C1QL3: variants seen among roughly 807,000 people sequenced by gnomAD.
C1QL3 encodes complement C1q-like protein 3.
In C1QL3, 4 loss-of-function variants were observed where a neutral mutation model predicts 16.6. The observed-to-expected ratio is 0.24, with a 90% CI of 0.12 to 0.55. The LOEUF is 0.55. C1QL3 is among the 20% of genes least tolerant of loss of function. C1QL3 has a pLI of 0.94. For synonymous variants in C1QL3, 189 were observed against 160.2 expected (o/e 1.18, Z -1.36); for missense variants, 269 against 365.6 (o/e 0.74, Z 2.16).
intron 1 of C1QL3, among the ~76,000 whole-genome samples, chr10:16,515,224 GAA>G (rs71952606): frequency 2.2e-5 from 3 of 134,876 alleles, no homozygotes; most frequent in African/African-American, 5.3e-5. Flanking sequence ...TACTTACAAA[GAA>G]AAAAAAAAAA....
At position 16,520,598 on chromosome 10, in the gene C1QL3, G is replaced by A. The variant is rs775823726; in HGVS notation, c.468C>T (p.Tyr156=). 1.1e-5 allele frequency: 17 copies of A among 1,613,594 alleles called. No homozygotes were observed. The highest frequency in any genetic ancestry group is 2.7e-5 in the African/African-American group (2 of 74,842). ...AGGTGAACTTGCCGGTGGTGGGGTC[G>A]TAGTGGTTTCCGAGGTTGGTGACCA... ...DDVVTNLGNH[Y]DPTTGKFTCS... The change falls in exon 1 of 2, where the codon TAC becomes TAT. Residue 156 remains tyrosine, a synonymous_variant. Coordinates refer to ENST00000298943, the MANE Select transcript of C1QL3 (RefSeq NM_001010908.2). The surrounding 1 kb of genome is among the most constrained non-coding windows in gnomAD (Gnocchi z 8.3).
Position 16,520,689 on chromosome 10 carries a change from T to C in C1QL3, c.377A>G (p.Lys126Arg). ...ISAATYSTVPKIAFYAGLKRQ... is the reference protein window; with the variant it reads ...ISAATYSTVPRIAFYAGLKRQ... Reference sequence around the variant, plus strand: ...CTTGAGGCCGGCGTAGAAGGCGATCTTGGGCACCGTGCTGTAGGTGGCGGC... The same window carrying C: ...CTTGAGGCCGGCGTAGAAGGCGATCCTGGGCACCGTGCTGTAGGTGGCGGC... The change falls in exon 1 of 2, where the codon AAG (lysine) becomes AGG (arginine). Residue 126 changes from lysine to arginine, a missense_variant. By Grantham distance (26) the Lys-to-Arg change is conservative (BLOSUM62 2). Transcript: ENST00000298943. This position sits in a 1 kb window ranked among gnomAD's most constrained non-coding sequence, Gnocchi z 8.3. 6.2e-7 allele frequency: 1 copy of C among 1,607,104 alleles called. No homozygotes were observed. Among genetic ancestry groups the C allele is most frequent in the Non-Finnish European group, 8.5e-7 (1 of 1,176,878 alleles).
At chr10:16,519,773 G>A (rs1837010693) in intron 1 of C1QL3, among the ~76,000 whole-genome samples, 1 of 152,122 alleles carries the variant, frequency 6.6e-6, no homozygotes, top group African/African-American at 2.4e-5. Flanking sequence ...CTGGCTGCGC[G>A]CTGTGTTTCA....
At position 16,520,876 on chromosome 10, in the gene C1QL3, C is replaced by T. The variant is rs756611028; in HGVS notation, c.190G>A (p.Gly64Ser). Residue 64 changes from glycine to serine, a missense_variant, in exon 1 of 2, where the codon GGC becomes AGC. Transcript: ENST00000298943. This position sits in a 1 kb window ranked among gnomAD's most constrained non-coding sequence, Gnocchi z 8.3. Reference sequence around the variant, plus strand: ...GCCTTCCCGGGCCTGCCGGCCTCGCCTTTGGGGCCCTGGATGAAGGTGGGC... The same window carrying T: ...GCCTTCCCGGGCCTGCCGGCCTCGCTTTTGGGGCCCTGGATGAAGGTGGGC... ...SLPTFIQGPKGEAGRPGKAGP... is the reference protein window; with the variant it reads ...SLPTFIQGPKSEAGRPGKAGP... 8.7e-6 allele frequency: 13 copies of T among 1,501,908 alleles called. No individual in the cohort carries two copies. The East Asian group carries it at 3.3e-4, about 38-fold the overall frequency. 93.0% of individuals were successfully genotyped at this position (1,501,908 alleles called of 1,614,324 possible).
chr10:16,519,613 C>A (rs1319516194), intron 1 of C1QL3, among the ~76,000 whole-genome samples: 1 of 152,102 alleles, frequency 6.6e-6, no homozygotes, highest in Admixed American at 6.5e-5. Flanking sequence ...ATGCGTAGCC[C>A]TTGTAGCGGC....
In C1QL3 at chr10:16,520,838, C is replaced by G. The variant is rs1837029945; in HGVS notation, c.228G>C (p.Gly76=). The change falls in exon 1 of 2, where the codon GGG becomes GGC. Residue 76 remains glycine, a synonymous_variant. Coordinates refer to ENST00000298943, the MANE Select transcript of C1QL3 (RefSeq NM_001010908.2). This position sits in a 1 kb window ranked among gnomAD's most constrained non-coding sequence, Gnocchi z 8.3. ...AGRPGKAGPR[G]PPGEPGPPGP... ...CGGGTGGCCCGGGCTCTCCGGGGGG[C>G]CCGCGCGGACCCGCCTTCCCGGGCC... 1.6e-5 allele frequency: 22 copies of G among 1,395,356 alleles called. No individual in the cohort carries two copies. The highest frequency in any genetic ancestry group is 1.8e-5 in the Non-Finnish European group (19 of 1,078,274). 86.4% of individuals were successfully genotyped at this position (1,395,356 alleles called of 1,614,324 possible).
At position 16,514,471 on chromosome 10, in the gene C1QL3, G is replaced by A. The variant is rs546914660; in HGVS notation, c.*57C>T. 9.5e-6 allele frequency: 14 copies of A among 1,479,718 alleles called. No individual in the cohort carries two copies. The Admixed American group carries it at 1.1e-4, about 11-fold the overall frequency. 91.7% of individuals were successfully genotyped at this position (1,479,718 alleles called of 1,614,324 possible). On this transcript the variant is annotated 3_prime_UTR_variant, in exon 2 of 2. Transcript: ENST00000298943. ...CCCCTGGGATCCTTGATTCACTGAC[G>A]TTAGCCATACGAATCCAGTGTTCAA...
chr10:16,520,781 C>T lies in C1QL3; in HGVS notation c.285G>A (p.Glu95=). Residue 95 remains glutamate (E), a synonymous_variant, in exon 1 of 2, where the codon GAG becomes GAA. Coordinates refer to ENST00000298943, the MANE Select transcript of C1QL3 (RefSeq NM_001010908.2). The surrounding 1 kb of genome is among the most constrained non-coding windows in gnomAD (Gnocchi z 8.3). ...GGCCCGGCAGGCCTTGGCGGCCCGG[C>T]TCGCCCTTCTCGCCCGGGGGCCCCA... ...GPMGPPGEKG[E]PGRQGLPGPP... 2 of 1,298,538 alleles carry T rather than the reference C, an allele frequency of 1.5e-6. No homozygotes were observed. The highest frequency in any genetic ancestry group is 2.0e-6 in the Non-Finnish European group (2 of 1,022,438). The allele number at this position is 1,298,538 out of a possible 1,614,324, so 80.4% of individuals were successfully genotyped here.
chr10:16,519,795 C>T (rs1310758864), intron 1 of C1QL3, among the ~76,000 whole-genome samples: 1 of 152,188 alleles, frequency 6.6e-6, no homozygotes, highest in Non-Finnish European at 1.5e-5. Flanking sequence ...CGCATGAACC[C>T]CCGAATCTCA....
At chr10:16,517,265 T>G (rs1404154941) in intron 1 of C1QL3, among the ~76,000 whole-genome samples, 1 of 152,224 alleles carries the variant, frequency 6.6e-6, no homozygotes, top group African/African-American at 2.4e-5. Context: ...TAGTCCGTAT[T>G]TCTTTAACCC....
At chr10:16,515,326 A>T (rs1438752601) in intron 1 of C1QL3, among the ~76,000 whole-genome samples, 5 of 151,722 alleles carry the variant, frequency 3.3e-5, no homozygotes, top group Non-Finnish European at 7.4e-5. Context: ...GCTCATTTAT[A>T]CATCTTTGAT....
chr10:16,519,475 C>T (rs958052000), intron 1 of C1QL3, among the ~76,000 whole-genome samples: 4 of 152,004 alleles, frequency 2.6e-5, no homozygotes, highest in African/African-American at 9.7e-5. Context: ...ACAGAAGGTC[C>T]CATTACACTT....
At position 16,521,253 on chromosome 10, in the gene C1QL3, C is replaced by G. The variant is rs1242682882; in HGVS notation, c.-188G>C. 6 of 568,832 alleles carry G rather than the reference C, an allele frequency of 1.1e-5. No individual in the cohort carries two copies. Among genetic ancestry groups the G allele is most frequent in the South Asian group, 8.6e-5 (4 of 46,354 alleles). 35.2% of individuals were successfully genotyped at this position (568,832 alleles called of 1,614,324 possible). The stretch of plus-strand genomic sequence containing the variant: ...GCGTGCGTGCGCCGGCCGCTGCTGC[C>G]GACTCCTGCTCCCCCCGCGGAGGCT... On this transcript the variant is annotated 5_prime_UTR_variant, in exon 1 of 2. Coordinates refer to ENST00000298943, the MANE Select transcript of C1QL3 (RefSeq NM_001010908.2).
At position 16,520,566 on chromosome 10, in the gene C1QL3, A is replaced by T; in HGVS notation, c.500T>A (p.Ile167Asn). Residue 167 changes from isoleucine to asparagine, a missense_variant, in exon 1 of 2, where the codon ATC becomes AAC. Ile to Asn is a moderately radical substitution (Grantham distance 149). Around this residue, in one of 2 missense-constraint regions of C1QL3, gnomAD observed 246 missense variants for 297.2 expected, o/e 0.83. Transcript: ENST00000298943. This position sits in a 1 kb window ranked among gnomAD's most constrained non-coding sequence, Gnocchi z 8.3. ...GTAGGTGAAGAAGTAGATGCCCGGG[A>T]TGGAGCAGGTGAACTTGCCGGTGGT... The part of the protein sequence containing the change: ...DPTTGKFTCS[I>N]PGIYFFTYHV... The T allele has an allele frequency of 6.2e-7, 1 of 1,613,048 alleles. No individual in the cohort carries two copies. The highest frequency in any genetic ancestry group is 8.5e-7 in the Non-Finnish European group (1 of 1,179,488).
At chr10:16,516,206 A>G (rs527983986) in intron 1 of C1QL3, among the ~76,000 whole-genome samples, 1 of 152,194 alleles carries the variant, frequency 6.6e-6, no homozygotes, top group African/African-American at 2.4e-5. Context: ...TGAAAGCAAT[A>G]TACCATGTAA....
At position 16,514,490 on chromosome 10, in the gene C1QL3, T is replaced by C. The variant is rs777631948; in HGVS notation, c.*38A>G. On this transcript the variant is annotated 3_prime_UTR_variant, in exon 2 of 2. Transcript: ENST00000298943. The stretch of plus-strand genomic sequence containing the variant: ...ACTGACGTTAGCCATACGAATCCAG[T>C]GTTCAAACTCAGAATAATAAGCTTA... The C allele has an allele frequency of 1.9e-6, 3 of 1,564,416 alleles. No individual in the cohort carries two copies. The highest frequency in any genetic ancestry group is 2.6e-6 in the Non-Finnish European group (3 of 1,142,214).
chr10:16,520,446 C>G lies in C1QL3; in HGVS notation c.588+32G>C. Reference sequence around the variant, plus strand: ...TCGCCCGCACCTTCCCGCGCTCCCTCCCCGCCCTCCCCGCCGCCCGCCCGC... The same window carrying G: ...TCGCCCGCACCTTCCCGCGCTCCCTGCCCGCCCTCCCCGCCGCCCGCCCGC... On this transcript the variant is annotated intron_variant, in intron 1 of 1. Coordinates refer to ENST00000298943, the MANE Select transcript of C1QL3 (RefSeq NM_001010908.2). The surrounding 1 kb of genome is among the most constrained non-coding windows in gnomAD (Gnocchi z 8.3). 25 of 861,942 alleles carry G rather than the reference C, an allele frequency of 2.9e-5. No homozygotes were observed. The highest frequency in any genetic ancestry group is 3.8e-5 in the Non-Finnish European group (21 of 549,324). 53.4% of individuals were successfully genotyped at this position (861,942 alleles called of 1,614,324 possible). A position where few individuals can be genotyped will look rare whatever the true frequency, so the allele number is the denominator to read the frequency against.
At position 16,520,628 on chromosome 10, in the gene C1QL3, G is replaced by A; in HGVS notation, c.438C>T (p.Asp146=). 6.2e-7 allele frequency: 1 copy of A among 1,613,710 alleles called. No individual in the cohort carries two copies. Among genetic ancestry groups the A allele is most frequent in the Non-Finnish European group, 8.5e-7 (1 of 1,179,808 alleles). ...GGTTTCCGAGGTTGGTGACCACGTC[G>A]TCGAACTTGAGCACCTCGTAGCCTT... ...QHEGYEVLKF[D]DVVTNLGNHY... The change falls in exon 1 of 2, where the codon GAC becomes GAT. Residue 146 remains aspartate (D), a synonymous_variant. Transcript: ENST00000298943. This position sits in a 1 kb window ranked among gnomAD's most constrained non-coding sequence, Gnocchi z 8.3.
rs372477560 is a variant in C1QL3, at chr10:16,514,613, T to C, written c.683A>G (p.Tyr228Cys). 1.1e-5 allele frequency: 17 copies of C among 1,613,760 alleles called. No homozygotes were observed. The highest frequency in any genetic ancestry group is 1.4e-5 in the Non-Finnish European group (17 of 1,179,730). Residue 228 changes from tyrosine (Y) to cysteine (C), a missense_variant, in exon 2 of 2, where the codon TAT becomes TGT. This residue lies in a region of C1QL3 where 23 missense variants were observed against 68.4 expected (regional missense o/e 0.34). Coordinates refer to ENST00000298943, the MANE Select transcript of C1QL3 (RefSeq NM_001010908.2). ...GGCTTTCCCGCCATCTAATTTGATA[T>C]AGACTTCATCTCCCGGCTCCAAATG... is the stretch of plus-strand genomic sequence containing the variant. ...VLHLEPGDEVYIKLDGGKAHG... is the reference protein window; with the variant it reads ...VLHLEPGDEVCIKLDGGKAHG...
Sources: allele counts gnomAD v4.1 joint callset (sites outside exome capture counted in the v4.1 genomes callset), GRCh38; gene constraint gnomAD v4.1.1; regional missense constraint gnomAD v4.1.1; non-coding constraint Gnocchi (gnomAD v3.1); transcripts MANE v1.5; gene names NCBI Gene and HGNC (gene_info 2026-07-23, HGNC 2026-07-21).